COL28A1: variants seen among roughly 807,000 people sequenced by gnomAD.
COL28A1 encodes collagen type XXVIII alpha 1 chain.
In COL28A1, 161 loss-of-function variants were observed where a neutral mutation model predicts 150.2. The ratio of observed to expected loss-of-function variants is 1.07; its 90% confidence interval spans 0.94 to 1.22. The LOEUF is 1.22. COL28A1 is among the 50% of genes most tolerant of loss of function. The pLI, the probability that COL28A1 is intolerant of heterozygous loss-of-function variation, is 0.00. For synonymous variants in COL28A1, 552 were observed against 469.7 expected (o/e 1.18, Z -2.26); for missense variants, 1,617 against 1,388.3 (o/e 1.16, Z -2.62).
In COL28A1 at chr7:7,373,293, C is replaced by G; in HGVS notation, c.2613G>C (p.Leu871=). The change falls in exon 32 of 35, where the codon CTG becomes CTC. Residue 871 remains leucine, a synonymous_variant. Transcript: ENST00000399429. This position sits in a 1 kb window ranked among gnomAD's most constrained non-coding sequence, Gnocchi z 4.1. ...CAGTGGCTGTGTATGTGCCTTCCCC[C>G]AGATACTGCATGTTGTCCACAGCCA... ...FKLAVDNMQY[L]GEGTYTATAL... 6.2e-7 allele frequency: 1 copy of G among 1,614,180 alleles called. No individual in the cohort carries two copies. Among genetic ancestry groups the G allele is most frequent in the Non-Finnish European group, 8.5e-7 (1 of 1,180,030 alleles).
chr7:7,485,017 A>G (rs1779546203), intron 13 of COL28A1, among the ~76,000 whole-genome samples: 1 of 152,284 alleles, frequency 6.6e-6, no homozygotes, highest in African/African-American at 2.4e-5. Flanking sequence ...TAAATTGCCT[A>G]TCAGGTACTA....
the COL28A1 span, among the ~76,000 whole-genome samples, chr7:7,346,029 T>C: frequency 6.6e-6 from 1 of 152,036 alleles, no homozygotes; most frequent in African/African-American, 2.4e-5. Context: ...AACTCCTCAT[T>C]TCATGTGATC....
At chr7:7,379,481 T>C (rs17167088) in intron 30 of COL28A1, among the ~76,000 whole-genome samples, 5,592 of 152,206 alleles carry the variant, frequency 0.037, 375 homozygotes, top group African/African-American at 0.13. Context: ...GACCACATCT[T>C]CTATCATAGC....
At chr7:7,490,718 T>G in intron 11 of COL28A1, 72 bp from the exon 12 acceptor site, 1 of 730,744 alleles carries the variant, frequency 1.4e-6, no homozygotes, top group Non-Finnish European at 2.4e-6. Flanking sequence ...AGCTTTTAGA[T>G]GTATGGTTTT....
chr7:7,441,311 T>C (rs1785768622), intron 20 of COL28A1, among the ~76,000 whole-genome samples: 1 of 152,140 alleles, frequency 6.6e-6, no homozygotes, highest in Admixed American at 6.5e-5. Flanking sequence ...GGGAGTCTAA[T>C]TCTTTCCCCC....
chr7:7,436,998 A>G (rs1429985448), intron 22 of COL28A1, among the ~76,000 whole-genome samples: 1 of 152,230 alleles, frequency 6.6e-6, no homozygotes, highest in Non-Finnish European at 1.5e-5. Flanking sequence ...AGATCGCAGC[A>G]CTGCACTCCA....
intron 17 of COL28A1, 114 bp downstream of exon 17, chr7:7,453,326 G>C (rs1350710325): frequency 1.3e-6 from 1 of 744,456 alleles, no homozygotes; most frequent in Non-Finnish European, 2.4e-6. Context: ...ATTAAGTAGA[G>C]ATCTCTGATT....
intron 27 of COL28A1, among the ~76,000 whole-genome samples, chr7:7,398,632 T>C (rs1782982796): frequency 6.6e-6 from 1 of 152,238 alleles, no homozygotes. Flanking sequence ...CTCAGTTGCA[T>C]ACATTAACTT....
At chr7:7,517,280 T>G (rs1263519172) in intron 7 of COL28A1, among the ~76,000 whole-genome samples, 3 of 152,188 alleles carry the variant, frequency 2.0e-5, no homozygotes, top group Admixed American at 2.0e-4. Context: ...ATCTCTGCTA[T>G]TTGATACACT....
chr7:7,423,146 T>C (rs1784468106), intron 25 of COL28A1, among the ~76,000 whole-genome samples: 1 of 152,214 alleles, frequency 6.6e-6, no homozygotes, highest in Admixed American at 6.5e-5. Flanking sequence ...AGTTCTTACA[T>C]TTGAATGACA....
chr7:7,452,595 T>C (rs955625999), intron 17 of COL28A1, among the ~76,000 whole-genome samples: 7 of 152,256 alleles, frequency 4.6e-5, no homozygotes, highest in Non-Finnish European at 8.8e-5. Context: ...TTGATGTATA[T>C]ATGGTCTGAC....
At chr7:7,518,800 C>T (rs1469811870) in intron 6 of COL28A1, among the ~76,000 whole-genome samples, 3 of 152,052 alleles carry the variant, frequency 2.0e-5, no homozygotes, top group Admixed American at 6.6e-5. Context: ...AAAAATAATC[C>T]TCTGGATTCC....
chr7:7,398,758 C>T (rs1338267757), intron 27 of COL28A1, among the ~76,000 whole-genome samples: 5 of 152,152 alleles, frequency 3.3e-5, no homozygotes, highest in Non-Finnish European at 7.3e-5. Flanking sequence ...GACAGGGTTG[C>T]CTTTATGACA....
intron 27 of COL28A1, among the ~76,000 whole-genome samples, chr7:7,409,336 G>T (rs553233756): frequency 6.6e-6 from 1 of 151,984 alleles, no homozygotes; most frequent in Non-Finnish European, 1.5e-5. Flanking sequence ...GTTTTATATG[G>T]ACAGAATCTG....
intron 27 of COL28A1, among the ~76,000 whole-genome samples, chr7:7,387,925 C>T (rs555342465): frequency 9.2e-5 from 14 of 152,284 alleles, no homozygotes; most frequent in African/African-American, 2.9e-4. Flanking sequence ...TTTCTCCCTA[C>T]GCAGAAACAG....
chr7:7,532,948 A>C, intron 1 of COL28A1, 36 bp from the exon 2 acceptor site: 1 of 1,438,376 alleles, frequency 7.0e-7, no homozygotes, highest in Non-Finnish European at 9.1e-7. Flanking sequence ...TACTTTAATA[A>C]AATATGGTGT....
chr7:7,488,530 T>A (rs986386655), intron 13 of COL28A1, among the ~76,000 whole-genome samples: 7 of 152,220 alleles, frequency 4.6e-5, no homozygotes, highest in Non-Finnish European at 4.4e-5. Context: ...CTTGAAAAGT[T>A]AACAAGCTTT....
intron 19 of COL28A1, 74 bp downstream of exon 19, chr7:7,444,344 G>A (rs1390160524): frequency 1.7e-5 from 27 of 1,587,478 alleles, no homozygotes; most frequent in South Asian, 3.5e-5. Flanking sequence ...GGTTTTATTC[G>A]AGCTCCTGCA....
At chr7:7,528,149 A>C (rs1782134376) in intron 3 of COL28A1, among the ~76,000 whole-genome samples, 1 of 152,196 alleles carries the variant, frequency 6.6e-6, no homozygotes. Context: ...TCAGAAAAAA[A>C]GACAAATTTG....
Sources: allele counts gnomAD v4.1 joint callset (sites outside exome capture counted in the v4.1 genomes callset), GRCh38; gene constraint gnomAD v4.1.1; non-coding constraint Gnocchi (gnomAD v3.1); transcripts MANE v1.5; gene names NCBI Gene and HGNC (gene_info 2026-07-23, HGNC 2026-07-21).